Variants in NRG1 observed in about 807,000 individuals in gnomAD.
The protein encoded by NRG1 is neuregulin 1, also known as pro-neuregulin-1, membrane-bound isoform.
A neutral mutation model predicts 63.8 loss-of-function variants in NRG1; 18 were observed. The ratio of observed to expected loss-of-function variants is 0.28; its 90% CI spans 0.19 to 0.42. The LOEUF is 0.42. Ranked by LOEUF, NRG1 falls within the 10% of genes least tolerant of loss-of-function variation. NRG1 has a pLI of 1.00. For synonymous variants in NRG1, 302 were observed against 301.3 expected, an observed-to-expected ratio of 1.00 and a Z score of -0.02; for missense variants, 762 against 814.7, an observed-to-expected ratio of 0.94 and a Z score of 0.79.
intron 1 of NRG1, among the ~76,000 whole-genome samples, chr8:32,355,909 A>T (rs770187305): frequency 1.6e-4 from 25 of 152,208 alleles, no homozygotes; most frequent in Non-Finnish European, 3.5e-4. Context: ...AGGAGGGGAC[A>T]TGAACATGTG....
exon 12 of NRG1, chr8:32,764,132 G>A (rs1831198847): frequency 1.9e-6 from 3 of 1,614,080 alleles, no homozygotes; most frequent in Non-Finnish European, 1.7e-6. Context: ...AAAGAACCAA[G>A]CCCAATGGCC....
chr8:32,123,175 C>T (rs1417914625), intron 1 of NRG1, among the ~76,000 whole-genome samples: 1 of 151,836 alleles, frequency 6.6e-6, no homozygotes, highest in East Asian at 1.9e-4. Context: ...CACCATGTGT[C>T]CTTGTATAGT....
chr8:32,364,005 A>G (rs1485476890), intron 1 of NRG1, among the ~76,000 whole-genome samples: 1 of 151,710 alleles, frequency 6.6e-6, no homozygotes, highest in Non-Finnish European at 1.5e-5. Flanking sequence ...TTTTTAAGAG[A>G]ACAAAAAATG....
intron 1 of NRG1, among the ~76,000 whole-genome samples, chr8:32,391,219 C>T (rs1444269994): frequency 6.6e-6 from 1 of 152,060 alleles, no homozygotes; most frequent in East Asian, 1.9e-4. Context: ...CAGCCTCTAC[C>T]TCCTGGGCTC....
At position 32,216,765 on chromosome 8, in the gene NRG1, C is replaced by T. The variant is rs138764491; in HGVS notation, c.38-379063C>T. ...TGATATATATATAATATAATGAGTT[C>T]TTTTTCCCTGGAGAACCTTAACTAA... is the stretch of plus-strand genomic sequence containing the variant. On this transcript the variant is annotated intron_variant, in intron 1 of 10. Coordinates refer to the NRG1 transcript ENST00000519301. 5.6e-3 allele frequency among the ~76,000 whole-genome samples: 842 copies of T among 151,294 alleles called. 21 individuals carry two copies. The East Asian group carries it at 0.069, about 12-fold the overall frequency.
intron 1 of NRG1, among the ~76,000 whole-genome samples, chr8:31,659,719 T>C (rs959060513): frequency 2.6e-5 from 4 of 152,202 alleles, no homozygotes; most frequent in African/African-American, 9.7e-5. Flanking sequence ...GGCTCAGGGC[T>C]TTGGAAAGAT....
At chr8:32,433,962 C>T (rs184145754) in intron 1 of NRG1, among the ~76,000 whole-genome samples, 13 of 152,100 alleles carry the variant, frequency 8.5e-5, no homozygotes, top group African/African-American at 1.2e-4. Flanking sequence ...CCTTGGTGGG[C>T]GGATCCTGAG....
At chr8:32,091,371 A>G (rs1015917159) in intron 1 of NRG1, among the ~76,000 whole-genome samples, 1 of 152,236 alleles carries the variant, frequency 6.6e-6, no homozygotes, top group African/African-American at 2.4e-5. Flanking sequence ...GACATTTACA[A>G]TGATCATGGT....
chr8:32,380,689 A>T (rs530556517), intron 1 of NRG1, among the ~76,000 whole-genome samples: 1 of 152,252 alleles, frequency 6.6e-6, no homozygotes, highest in East Asian at 1.9e-4. Context: ...CTTCCTCATC[A>T]CCATACTAAC....
At chr8:31,911,328 T>A (rs1252752358) in intron 1 of NRG1, among the ~76,000 whole-genome samples, 1 of 152,140 alleles carries the variant, frequency 6.6e-6, no homozygotes. Context: ...AGATGTGGAA[T>A]CAATCTAAAT....
At chr8:32,024,570 TA>T (rs1227087806) in intron 1 of NRG1, among the ~76,000 whole-genome samples, 1 of 152,144 alleles carries the variant, frequency 6.6e-6, no homozygotes, top group Non-Finnish European at 1.5e-5. Flanking sequence ...ATTTATTAAA[TA>T]AAAATTACCT....
intron 6 of NRG1, among the ~76,000 whole-genome samples, chr8:32,740,138 C>T (rs1256143208): frequency 4.1e-5 from 6 of 147,746 alleles, no homozygotes; most frequent in Non-Finnish European, 8.9e-5. Context: ...AATGTGAAGA[C>T]ATTCTTATTG....
chr8:32,455,420 C>T (rs1821480534), intron 1 of NRG1, among the ~76,000 whole-genome samples: 1 of 152,160 alleles, frequency 6.6e-6, no homozygotes, highest in Admixed American at 6.5e-5. Flanking sequence ...TCCAAATTAT[C>T]TTTCATGGAA....
intron 1 of NRG1, among the ~76,000 whole-genome samples, chr8:32,047,103 T>C (rs1363918464): frequency 1.3e-5 from 2 of 152,134 alleles, no homozygotes; most frequent in East Asian, 3.9e-4. Context: ...ACTTTAGTTT[T>C]TCTCTATTCC....
chr8:32,225,983 G>A (rs1846278945), intron 1 of NRG1, among the ~76,000 whole-genome samples: 1 of 152,046 alleles, frequency 6.6e-6, no homozygotes, highest in Admixed American at 6.6e-5. Context: ...TTAGCTTTCA[G>A]ATTCTATACA....
chr8:32,719,693 T>G (rs902582964), intron 5 of NRG1, among the ~76,000 whole-genome samples: 4 of 152,212 alleles, frequency 2.6e-5, no homozygotes, highest in African/African-American at 7.2e-5. Context: ...AGTGTTGATA[T>G]TCGAATTTTT....
At chr8:32,332,667 G>A (rs555262930) in intron 1 of NRG1, among the ~76,000 whole-genome samples, 2 of 152,280 alleles carry the variant, frequency 1.3e-5, no homozygotes, top group East Asian at 1.9e-4. Context: ...GGAAACTGAA[G>A]CATAGAGAAT....
chr8:32,434,149 G>A (rs913038420), intron 1 of NRG1, among the ~76,000 whole-genome samples: 1 of 151,502 alleles, frequency 6.6e-6, no homozygotes, highest in African/African-American at 2.4e-5. Flanking sequence ...TCACACCACT[G>A]CACCCCAGCC....
At chr8:32,177,567 T>C (rs10094037) in intron 1 of NRG1, among the ~76,000 whole-genome samples, 5,668 of 152,058 alleles carry the variant, frequency 0.037, 195 homozygotes, top group African/African-American at 0.087. Flanking sequence ...TGACAGGCCC[T>C]GATGTGTAAT....
Sources: allele counts gnomAD v4.1 joint callset (sites outside exome capture counted in the v4.1 genomes callset), GRCh38; gene constraint gnomAD v4.1.1; transcripts MANE v1.5; gene names NCBI Gene and HGNC (gene_info 2026-07-23, HGNC 2026-07-21).